The following ARHGEF28 variants were observed in gnomAD, a reference collection of about 807,000 sequenced individuals.
ARHGEF28 encodes the protein 190 kDa guanine nucleotide exchange factor.
A neutral mutation model predicts 206.6 loss-of-function variants in ARHGEF28; 152 were observed. The ratio of observed to expected loss-of-function variants is 0.74; its 90% CI spans 0.64 to 0.84. The LOEUF (loss-of-function observed/expected upper bound fraction) is 0.84, where lower values mean the gene tolerates loss of function less well. Among genes scored for constraint, ARHGEF28 ranks in the 40% least tolerant of loss-of-function variants. The pLI, the probability that ARHGEF28 is intolerant of heterozygous loss-of-function variation, is 0.00. For missense variants in ARHGEF28, 2,028 were observed against 2,073.2 expected (o/e 0.98, Z 0.42); for synonymous variants, 763 against 776.4 (o/e 0.98, Z 0.29).
intron 2 of ARHGEF28, among the ~76,000 whole-genome samples, chr5:73,717,329 A>G (rs1029874385): frequency 2.6e-5 from 4 of 151,946 alleles, no homozygotes; most frequent in African/African-American, 9.7e-5. Flanking sequence ...TCTTCCTGGG[A>G]ATCTGCTTAT....
chr5:73,627,177 G>A (rs1452044359), intron 1 of ARHGEF28: 1 of 152,304 alleles, frequency 6.6e-6, no homozygotes, highest in Non-Finnish European at 1.5e-5. Context: ...CAACATCTGT[G>A]TTTGTGCGGC....
chr5:73,883,533 A>C (rs1761084398), intron 23 of ARHGEF28, among the ~76,000 whole-genome samples: 1 of 152,236 alleles, frequency 6.6e-6, no homozygotes, highest in Non-Finnish European at 1.5e-5. Context: ...TTTTGAAATT[A>C]ACTACAAATA....
At chr5:73,791,786 AC>A (rs1754499593) in intron 7 of ARHGEF28, among the ~76,000 whole-genome samples, 1 of 152,116 alleles carries the variant, frequency 6.6e-6, no homozygotes, top group Non-Finnish European at 1.5e-5. Context: ...TTTGGCAATA[AC>A]AAAAACCATG....
In ARHGEF28 at chr5:73,909,569, T is replaced by TGCACCAGCTTCA. The variant is rs1290700856; in HGVS notation, c.4329_4340dup (p.His1445_Gln1448dup). ...AGGCAGCATGAGGAGCTGGCCAATG[T>TGCACCAGCTTCA]GCACCAGCTTCAGCACCAGCTCCAG... is the stretch of plus-strand genomic sequence containing the variant. On this transcript the variant is annotated inframe_insertion, in exon 34 of 36. Transcript: ENST00000513042. 13 of 1,568,468 alleles carry TGCACCAGCTTCA rather than the reference T, an allele frequency of 8.3e-6. No homozygotes were observed. Among genetic ancestry groups the TGCACCAGCTTCA allele is most frequent in the Non-Finnish European group, 1.1e-5 (13 of 1,156,928 alleles).
In ARHGEF28 at chr5:73,661,674, A is replaced by G. The variant is rs1267340018; in HGVS notation, c.-11-23167A>G. ...CTAATTTCAATATTGTGTCTCAGGG[A>G]ATAGGAAAGGCCCAAGGAGAGAGGC... On this transcript the variant is annotated intron_variant, in intron 1 of 35. Coordinates refer to ENST00000513042, the MANE Select transcript of ARHGEF28 (RefSeq NM_001177693.2). 7.9e-5 allele frequency among the ~76,000 whole-genome samples: 12 copies of G among 152,000 alleles called. 1 individual carries two copies. Among genetic ancestry groups the G allele is most frequent in the Admixed American group, 7.9e-4 (12 of 15,244 alleles).
At chr5:73,649,422 T>C (rs1369271397) in intron 1 of ARHGEF28, among the ~76,000 whole-genome samples, 1 of 152,178 alleles carries the variant, frequency 6.6e-6, no homozygotes, top group Non-Finnish European at 1.5e-5. Context: ...GCCAGAAATA[T>C]CAGACTCATT....
chr5:73,811,436 G>A (rs531360724), intron 9 of ARHGEF28, among the ~76,000 whole-genome samples: 11 of 152,170 alleles, frequency 7.2e-5, no homozygotes, highest in Admixed American at 3.3e-4. Flanking sequence ...TCATCCACAG[G>A]GTAAAGGTCA....
chr5:73,727,847 T>C (rs985855779), intron 2 of ARHGEF28, among the ~76,000 whole-genome samples: 5 of 152,156 alleles, frequency 3.3e-5, no homozygotes, highest in African/African-American at 1.2e-4. Context: ...CAGAGGACCA[T>C]GGGGTCATCA....
chr5:73,671,590 T>C (rs916132305), intron 1 of ARHGEF28, among the ~76,000 whole-genome samples: 16 of 151,338 alleles, frequency 1.1e-4, no homozygotes, highest in African/African-American at 3.6e-4. Context: ...AAGGATCTGA[T>C]AAATTTGATA....
At chr5:73,734,492 A>G (rs1169833431) in intron 2 of ARHGEF28, among the ~76,000 whole-genome samples, 1 of 152,182 alleles carries the variant, frequency 6.6e-6, no homozygotes, top group Non-Finnish European at 1.5e-5. Context: ...TTTGTGCATT[A>G]AAGAGGAAGG....
intron 1 of ARHGEF28, among the ~76,000 whole-genome samples, chr5:73,637,726 A>G (rs1472105128): frequency 1.1e-4 from 17 of 152,200 alleles, no homozygotes; most frequent in Admixed American, 1.1e-3. Context: ...AGGCAGACAT[A>G]TGCTGCATGC....
At chr5:73,776,484 C>G in intron 5 of ARHGEF28, 32 bp from the exon 6 acceptor site, 1 of 1,582,774 alleles carries the variant, frequency 6.3e-7, no homozygotes, top group Non-Finnish European at 8.6e-7. Context: ...GTCTTTGAAG[C>G]TCTGTGTGGG....
intron 22 of ARHGEF28, among the ~76,000 whole-genome samples, chr5:73,875,325 T>G (rs1404552182): frequency 6.6e-6 from 1 of 150,948 alleles, no homozygotes; most frequent in Non-Finnish European, 1.5e-5. Flanking sequence ...ATTAGCCCTT[T>G]GTCAGATGAG....
At chr5:73,730,091 C>A (rs1172395113) in intron 2 of ARHGEF28, among the ~76,000 whole-genome samples, 1 of 152,094 alleles carries the variant, frequency 6.6e-6, no homozygotes, top group Non-Finnish European at 1.5e-5. Flanking sequence ...TTCTAAGGTT[C>A]AAGTTTAAAT....
chr5:73,787,558 C>G (rs994729666), intron 7 of ARHGEF28, among the ~76,000 whole-genome samples: 1 of 152,052 alleles, frequency 6.6e-6, no homozygotes, highest in African/African-American at 2.4e-5. Flanking sequence ...TCTGACAGAC[C>G]CTGGTGTGTA....
At chr5:73,757,318 A>C in intron 4 of ARHGEF28, among the ~76,000 whole-genome samples, 1 of 152,218 alleles carries the variant, frequency 6.6e-6, no homozygotes, top group East Asian at 1.9e-4. Context: ...TACTTGTCCA[A>C]AAATTATTTT....
intron 20 of ARHGEF28, 145 bp downstream of exon 20, chr5:73,868,372 CTT>C: frequency 1.9e-6 from 2 of 1,079,240 alleles, no homozygotes; most frequent in Non-Finnish European, 2.5e-6. Flanking sequence ...ATAGGTTCTA[CTT>C]TTTAAACGAA....
intron 7 of ARHGEF28, among the ~76,000 whole-genome samples, chr5:73,793,682 C>A (rs936512480): frequency 1.3e-5 from 2 of 151,894 alleles, no homozygotes; most frequent in Non-Finnish European, 2.9e-5. Context: ...TCCCCAGGCC[C>A]AAACCTGTTC....
At chr5:73,919,097 T>C (rs2111962997) in intron 35 of ARHGEF28, among the ~76,000 whole-genome samples, 1 of 152,262 alleles carries the variant, frequency 6.6e-6, no homozygotes, top group East Asian at 1.9e-4. Context: ...AGTGTTAACA[T>C]AATTATTTTA....
Sources: gnomAD v4.1 joint callset for allele counts (sites outside exome capture counted in the v4.1 genomes callset) on GRCh38, gnomAD v4.1.1 for gene constraint, MANE v1.5 for transcripts, NCBI Gene and HGNC (gene_info 2026-07-23, HGNC 2026-07-21) for gene names.